The following DOCK8 variants were observed in gnomAD, a reference collection of about 807,000 sequenced individuals.
DOCK8 encodes the protein dedicator of cytokinesis protein 8.
DOCK8 carries 141 observed loss-of-function variants against 245.6 expected under a neutral mutation model. That is an observed-to-expected ratio of 0.57 (90% CI 0.50 to 0.66). DOCK8 has a LOEUF of 0.66. Ranked by LOEUF, DOCK8 falls within the 30% of genes least tolerant of loss-of-function variation. The probability of loss-of-function intolerance (pLI) is 0.00; values close to 1 mark genes in which losing one functional copy is unlikely to be tolerated. For missense variants in DOCK8, 2,965 were observed against 2,603.4 expected (o/e 1.14, Z -3.02); for synonymous variants, 1,168 against 970.2 (o/e 1.20, Z -3.79).
chr9:429,254 C>G (rs1186689730), intron 35 of DOCK8, among the ~76,000 whole-genome samples: 1 of 152,188 alleles, frequency 6.6e-6, no homozygotes, highest in African/African-American at 2.4e-5. Context: ...GGCGTGAGCC[C>G]CCGTTCCTGG....
chr9:347,191 C>T (rs112507484), intron 14 of DOCK8, among the ~76,000 whole-genome samples: 114 of 152,246 alleles, frequency 7.5e-4, no homozygotes, highest in African/African-American at 2.6e-3. Flanking sequence ...TTAATGAGTT[C>T]CTGTACCATA....
rs917376642 is a variant in DOCK8 at position 463,521 on chromosome 9, G to T, written c.6073G>T (p.Gly2025Cys). 1 of 1,614,034 alleles carries T rather than the reference G, an allele frequency of 6.2e-7. No individual in the cohort carries two copies. Among genetic ancestry groups the T allele is most frequent in the Admixed American group, 1.7e-5 (1 of 59,990 alleles). The stretch of plus-strand genomic sequence containing the variant: ...ACACTGATATTTTCATCTCAGATGT[G>T]GTGAAGCTGTAGAGAAAAACAAGCG... Reference protein sequence around the residue: ...LCFKEFIMRCGEAVEKNKRLI... With the variant: ...LCFKEFIMRCCEAVEKNKRLI... The change falls in exon 47 of 48, where the codon GGT (glycine) becomes TGT (cysteine). Residue 2025 changes from glycine to cysteine, a missense_variant. By Grantham distance (159) the Gly-to-Cys change is radical. Transcript: ENST00000432829.
At chr9:295,254 A>T (rs1339766743) in intron 4 of DOCK8, among the ~76,000 whole-genome samples, 2 of 152,106 alleles carry the variant, frequency 1.3e-5, no homozygotes, top group Admixed American at 1.3e-4. Flanking sequence ...CAGGGATGGA[A>T]AACAGGTCCA....
At chr9:273,040 G>T in intron 2 of DOCK8, 1 of 985,218 alleles carries the variant, frequency 1.0e-6, no homozygotes, top group African/African-American at 1.7e-5. Flanking sequence ...TCAGTTTCCG[G>T]TAACCGCCAT....
chr9:301,788 A>G (rs2049555685), intron 4 of DOCK8, among the ~76,000 whole-genome samples: 1 of 152,236 alleles, frequency 6.6e-6, no homozygotes, highest in African/African-American at 2.4e-5. Context: ...ACAGCTAATC[A>G]AGGAGGTGAA....
intron 14 of DOCK8, among the ~76,000 whole-genome samples, chr9:355,086 T>C (rs2052356942): frequency 6.6e-6 from 1 of 151,726 alleles, no homozygotes; most frequent in African/African-American, 2.4e-5. Flanking sequence ...GGGAGGAATA[T>C]GGGGGTAGGA....
intron 26 of DOCK8, among the ~76,000 whole-genome samples, chr9:403,232 A>G (rs1056787097): frequency 2.6e-5 from 4 of 152,204 alleles, no homozygotes; most frequent in Non-Finnish European, 5.9e-5. Flanking sequence ...CCTATGAAAG[A>G]TACCCATAGT....
chr9:229,543 G>T (rs942769815), intron 1 of DOCK8, among the ~76,000 whole-genome samples: 2 of 152,136 alleles, frequency 1.3e-5, no homozygotes, highest in African/African-American at 2.4e-5. Flanking sequence ...GAGAGAGAAG[G>T]TGCCTGAAAA....
intron 11 of DOCK8, among the ~76,000 whole-genome samples, chr9:334,708 G>A (rs12335694): frequency 0.11 from 17,225 of 151,916 alleles, 1,987 homozygotes; most frequent in African/African-American, 0.3. Flanking sequence ...GTAACCATCT[G>A]TAGTGTGTTA....
chr9:457,238 A>G (rs1160687578), intron 46 of DOCK8, among the ~76,000 whole-genome samples: 2 of 152,022 alleles, frequency 1.3e-5, no homozygotes, highest in Non-Finnish European at 2.9e-5. Context: ...TGGGCACTCA[A>G]GCCAGATTGC....
rs1047628755 is a variant in DOCK8 at position 406,815 on chromosome 9, CTCACTGGGGAG to C, written c.3391-114_3391-104del. ...CCTTATCTGGCACCAGAGTACCTAC[CTCACTGGGGAG>C]GGCTCACGAAGCCTGGCTGGGGCGA... On this transcript the variant is annotated intron_variant, in intron 27 of 47. Transcript: ENST00000432829. 5 of 1,354,884 alleles carry C rather than the reference CTCACTGGGGAG, an allele frequency of 3.7e-6. No individual in the cohort carries two copies. The African/African-American group carries it at 7.1e-5, about 19-fold the overall frequency. The allele number at this position is 1,354,884 out of a possible 1,614,324, so 83.9% of individuals were successfully genotyped here.
chr9:403,368 G>T (rs2055203704), intron 26 of DOCK8, among the ~76,000 whole-genome samples: 2 of 152,168 alleles, frequency 1.3e-5, no homozygotes, highest in Admixed American at 1.3e-4. Context: ...TCAATGTGCT[G>T]GTGGCTCCAC....
intron 1 of DOCK8, among the ~76,000 whole-genome samples, chr9:236,751 C>T (rs555003965): frequency 3.7e-4 from 56 of 152,304 alleles, no homozygotes; most frequent in African/African-American, 1.2e-3. Context: ...TGATGCAGAT[C>T]GAGTGGTTCT....
chr9:431,168 C>G (rs951118516), intron 36 of DOCK8, among the ~76,000 whole-genome samples: 8 of 152,168 alleles, frequency 5.3e-5, no homozygotes, highest in Non-Finnish European at 1.0e-4. Context: ...GCCATCCTGC[C>G]TAGCCAAGAC....
intron 2 of DOCK8, chr9:273,056 C>T (rs2048208360): frequency 1.0e-6 from 1 of 985,240 alleles, no homozygotes. Context: ...GCCATTTTGT[C>T]TCCTGTAACA....
At chr9:354,701 T>G (rs2052341443) in intron 14 of DOCK8, among the ~76,000 whole-genome samples, 1 of 152,188 alleles carries the variant, frequency 6.6e-6, no homozygotes, top group African/African-American at 2.4e-5. Context: ...CACGGGTTGT[T>G]AGGCTGAGGG....
chr9:214,362 A>T, upstream of DOCK8: 1 of 709,546 alleles, frequency 1.4e-6, no homozygotes, highest in African/African-American at 1.8e-5. Flanking sequence ...GGATGAATCC[A>T]TTATATTTAT....
At chr9:329,314 C>A (rs1031614890) in intron 9 of DOCK8, among the ~76,000 whole-genome samples, 3 of 150,406 alleles carry the variant, frequency 2.0e-5, no homozygotes, top group Admixed American at 6.7e-5. Flanking sequence ...CCCCCAGCCT[C>A]TTAGGTTTGG....
chr9:428,297 T>C (rs1326481239), intron 34 of DOCK8, 65 bp from the exon 35 acceptor site: 3 of 1,612,166 alleles, frequency 1.9e-6, no homozygotes, highest in Non-Finnish European at 2.5e-6. Flanking sequence ...GAGCTAATTG[T>C]CAGGAACATC....
Sources: gnomAD v4.1 joint callset for allele counts (sites outside exome capture counted in the v4.1 genomes callset) on GRCh38, gnomAD v4.1.1 for gene constraint, MANE v1.5 for transcripts, NCBI Gene and HGNC (gene_info 2026-07-23, HGNC 2026-07-21) for gene names.